MS4A1: variants seen among roughly 807,000 people sequenced by gnomAD.
The protein encoded by MS4A1 is membrane spanning 4-domains A1.
A neutral mutation model predicts 26.5 loss-of-function variants in MS4A1; 16 were observed. The ratio of observed to expected loss-of-function variants is 0.60; its 90% CI spans 0.41 to 0.92. MS4A1 has a LOEUF of 0.92. Ranked by LOEUF, MS4A1 falls within the 40% of genes least tolerant of loss-of-function variation. The pLI, the probability that MS4A1 is intolerant of heterozygous loss-of-function variation, is 0.00. For missense variants in MS4A1, 350 were observed against 353.0 expected (o/e 0.99, Z 0.07); for synonymous variants, 128 against 117.6 (o/e 1.09, Z -0.57).
Position 60,463,063 on chromosome 11 carries a change from C to A in MS4A1, c.221C>A (p.Ala74Glu). The A allele has an allele frequency of 1.9e-6, 3 of 1,614,122 alleles. No homozygotes were observed. The highest frequency in any genetic ancestry group is 2.5e-6 in the Non-Finnish European group (3 of 1,180,014). ...IALGGLLMIP[A>E]GIYAPICVTV... ...CTGGGGGGTCTTCTGATGATCCCAG[C>A]AGGGATCTATGCACCCATCTGTGTG... The change falls in exon 4 of 8, where the codon GCA becomes GAA. Residue 74 changes from alanine (A) to glutamate (E), a missense_variant. Coordinates refer to ENST00000345732, the MANE Select transcript of MS4A1 (RefSeq NM_152866.3).
intron 3 of MS4A1, 38 bp downstream of exon 3, chr11:60,462,571 C>T (rs202016365): frequency 1.1e-5 from 17 of 1,612,990 alleles, no homozygotes; most frequent in Admixed American, 1.7e-5. Context: ...CGTAGGGATT[C>T]TCTGGCTGAC....
Position 60,462,491 on chromosome 11 carries a change from C to T in MS4A1, c.117C>T (p.Gly39=). ...TCAGGAGGATGTCTTCACTGGTGGG[C>T]CCCACGCAAAGCTTCTTCATGAGGG... ...PLFRRMSSLV[G]PTQSFFMRES... Residue 39 remains glycine, a synonymous_variant, in exon 3 of 8, where the codon GGC becomes GGT. Coordinates refer to ENST00000345732, the MANE Select transcript of MS4A1 (RefSeq NM_152866.3). The T allele has an allele frequency of 6.2e-7, 1 of 1,614,162 alleles. No individual in the cohort carries two copies. The highest frequency in any genetic ancestry group is 8.5e-7 in the Non-Finnish European group (1 of 1,180,016).
intron 7 of MS4A1, among the ~76,000 whole-genome samples, chr11:60,467,311 T>A (rs550021696): frequency 1.3e-5 from 2 of 149,616 alleles, no homozygotes; most frequent in Non-Finnish European, 3.0e-5. Context: ...AGAGTCTCAC[T>A]TTGTTGCCCA....
Position 60,462,277 on chromosome 11 carries a change from G to A in MS4A1, c.-98G>A. Reference sequence around the variant, plus strand: ...ACTCATGGAGGAAATGCTGAGAGAAGCATTCAGATGCATGACACAAGGTAA... The same window carrying A: ...ACTCATGGAGGAAATGCTGAGAGAAACATTCAGATGCATGACACAAGGTAA... On this transcript the variant is annotated 5_prime_UTR_variant, in exon 3 of 8. Coordinates refer to ENST00000345732, the MANE Select transcript of MS4A1 (RefSeq NM_152866.3). The A allele has an allele frequency of 7.9e-7, 1 of 1,271,168 alleles. No individual in the cohort carries two copies. The highest frequency in any genetic ancestry group is 1.1e-6 in the Non-Finnish European group (1 of 874,806). The allele number at this position is 1,271,168 out of a possible 1,614,324, so 78.7% of individuals were successfully genotyped here.
chr11:60,465,695 A>G (rs1421819927), intron 5 of MS4A1: 7 of 540,032 alleles, frequency 1.3e-5, no homozygotes, highest in Non-Finnish European at 2.0e-5. Flanking sequence ...TTTGCTTTAT[A>G]AAACAGATGG....
chr11:60,463,251 A>C (rs1269324778), intron 4 of MS4A1, 130 bp downstream of exon 4: 1 of 1,315,012 alleles, frequency 7.6e-7, no homozygotes, highest in East Asian at 2.4e-5. Context: ...GGGTTAAAGT[A>C]ATTAAGAAGA....
chr11:60,457,828 G>T lies in MS4A1; in HGVS notation c.-280+1883G>T, dbSNP rs894396908. On this transcript the variant is annotated intron_variant, in intron 1 of 7. Coordinates refer to ENST00000345732, the MANE Select transcript of MS4A1 (RefSeq NM_152866.3). ...TGGAGAGGAGGTGGGGGAAGAGAGT[G>T]GGTAGCAAAGCTTTGAAGCAGCTGC... is the stretch of plus-strand genomic sequence containing the variant. Among the ~76,000 whole-genome samples, 26 of 152,234 alleles carry T rather than the reference G, an allele frequency of 1.7e-4. 1 individual carries two copies. The highest frequency in any genetic ancestry group is 5.8e-4 in the African/African-American group (24 of 41,542).
At chr11:60,463,771 GA>G (rs772560370) in intron 4 of MS4A1, 20 of 455,288 alleles carry the variant, frequency 4.4e-5, no homozygotes, top group South Asian at 3.1e-4. Flanking sequence ...GCCTGAATGT[GA>G]GAAAAGGAAG....
At chr11:60,459,144 A>G (rs551694547) in intron 1 of MS4A1, among the ~76,000 whole-genome samples, 1 of 152,344 alleles carries the variant, frequency 6.6e-6, no homozygotes, top group Non-Finnish European at 1.5e-5. Flanking sequence ...CAGTCCAATC[A>G]TCTCCTTCAG....
chr11:60,465,904 C>A lies in MS4A1; in HGVS notation c.337-17C>A. The A allele has an allele frequency of 6.3e-7, 1 of 1,582,946 alleles. No homozygotes were observed. Among genetic ancestry groups the A allele is most frequent in the Non-Finnish European group, 8.7e-7 (1 of 1,152,608 alleles). The stretch of plus-strand genomic sequence containing the variant: ...GGGAAATCAAACCCAATTAATAAAT[C>A]TGTGTCTCCATTTCAGGTCAAAGGA... On this transcript the variant is annotated splice_polypyrimidine_tract_variant and intron_variant, in intron 5 of 7. Coordinates refer to ENST00000345732, the MANE Select transcript of MS4A1 (RefSeq NM_152866.3).
At chr11:60,458,967 A>G (rs928488114) in intron 1 of MS4A1, among the ~76,000 whole-genome samples, 1 of 150,924 alleles carries the variant, frequency 6.6e-6, no homozygotes, top group African/African-American at 2.5e-5. Flanking sequence ...CCATTTTAAC[A>G]GAGAAATATC....
At chr11:60,467,840 T>G (rs2086307139) in intron 7 of MS4A1, among the ~76,000 whole-genome samples, 1 of 152,178 alleles carries the variant, frequency 6.6e-6, no homozygotes, top group Admixed American at 6.5e-5. Context: ...AGAACCAGAC[T>G]GTTAGATTTA....
chr11:60,459,805 TC>T (rs1186756682), intron 1 of MS4A1, among the ~76,000 whole-genome samples: 1 of 152,216 alleles, frequency 6.6e-6, no homozygotes, highest in Non-Finnish European at 1.5e-5. Flanking sequence ...ATAATACTTT[TC>T]AACTGATTTA....
chr11:60,463,849 G>A (rs780031642), intron 4 of MS4A1: 1 of 448,822 alleles, frequency 2.2e-6, no homozygotes. Flanking sequence ...TGCCATTCAG[G>A]TCAAGTATTT....
At chr11:60,456,633 A>T (rs2086205951) in intron 1 of MS4A1, among the ~76,000 whole-genome samples, 3 of 152,162 alleles carry the variant, frequency 2.0e-5, no homozygotes, top group Admixed American at 2.0e-4. Flanking sequence ...TAATGAAGGA[A>T]AACAAGGATT....
Position 60,468,548 on chromosome 11 carries a change from T to C in MS4A1, c.*80T>C. On this transcript the variant is annotated 3_prime_UTR_variant, in exon 8 of 8. Coordinates refer to ENST00000345732, the MANE Select transcript of MS4A1 (RefSeq NM_152866.3). ...AAGAGACATGCTGACTTTCATTTCT[T>C]GAGGTACTCTGCACATACGCACCAC... 7.6e-7 allele frequency: 1 copy of C among 1,321,404 alleles called. No individual in the cohort carries two copies. Among genetic ancestry groups the C allele is most frequent in the Non-Finnish European group, 1.1e-6 (1 of 926,736 alleles). 81.9% of individuals were successfully genotyped at this position (1,321,404 alleles called of 1,614,324 possible). A position where few individuals can be genotyped will look rare whatever the true frequency, so the allele number is the denominator to read the frequency against.
chr11:60,457,180 T>C (rs998305033), intron 1 of MS4A1, among the ~76,000 whole-genome samples: 4 of 151,964 alleles, frequency 2.6e-5, no homozygotes, highest in African/African-American at 4.8e-5. Context: ...CAGAGTTTGA[T>C]TGAAAGTAAA....
rs749709018 is a variant in MS4A1, at chr11:60,466,967, G to T, written c.582G>T (p.Leu194Phe). 2.5e-6 allele frequency: 4 copies of T among 1,614,052 alleles called. No individual in the cohort carries two copies. The South Asian group carries it at 3.3e-5, about 13-fold the overall frequency. Residue 194 changes from leucine to phenylalanine, a missense_variant, in exon 7 of 8, where the codon TTG (leucine) becomes TTT (phenylalanine). Physicochemically the swap from Leu to Phe is conservative, Grantham distance 22. Transcript: ENST00000345732. ...YSIQSLFLGI[L>F]SVMLIFAFFQ... ...CTTCTGTTGTTTTTCAGGGCATTTT[G>T]TCAGTGATGCTGATCTTTGCCTTCT...
intron 1 of MS4A1, among the ~76,000 whole-genome samples, chr11:60,458,876 C>T (rs962406025): frequency 2.6e-5 from 4 of 152,106 alleles, no homozygotes; most frequent in Non-Finnish European, 5.9e-5. Context: ...AGAGAAAGCA[C>T]TCATGTGTTT....
Sources: allele counts gnomAD v4.1 joint callset (sites outside exome capture counted in the v4.1 genomes callset), GRCh38; gene constraint gnomAD v4.1.1; transcripts MANE v1.5; gene names NCBI Gene and HGNC (gene_info 2026-07-23, HGNC 2026-07-21).